GATAD2A: variants seen among roughly 807,000 people sequenced by gnomAD.
The protein encoded by GATAD2A is transcriptional repressor p66-alpha.
In GATAD2A, 12 loss-of-function variants were observed where a neutral mutation model predicts 68.5. The observed-to-expected ratio is 0.18, with a 90% CI of 0.11 to 0.28. The LOEUF is 0.28. Among genes scored for constraint, GATAD2A ranks in the 10% least tolerant of loss-of-function variants. GATAD2A has a pLI of 1.00. For synonymous variants in GATAD2A, 410 were observed against 375.3 expected, an observed-to-expected ratio of 1.09 and a Z score of -1.07; for missense variants, 755 against 868.5, an observed-to-expected ratio of 0.87 and a Z score of 1.64.
Position 19,435,018 on chromosome 19 carries a change from A to T in GATAD2A, c.-7+28999A>T, listed in dbSNP as rs762873739. ...CATGACAGACAACATGATGGTGAGGAGGTTACATTGGGAGAATGAGCCCTG... is the reference window on the plus strand; with the variant it reads ...CATGACAGACAACATGATGGTGAGGTGGTTACATTGGGAGAATGAGCCCTG... On this transcript the variant is annotated intron_variant, in intron 1 of 11. Coordinates refer to ENST00000683918, the MANE Select transcript of GATAD2A (RefSeq NM_001384528.1). 1.5e-4 allele frequency: 73 copies of T among 486,840 alleles called. 2 individuals are homozygous for T. The highest frequency in any genetic ancestry group is 5.1e-4 in the South Asian group (34 of 67,128). 30.2% of individuals were successfully genotyped at this position (486,840 alleles called of 1,614,324 possible).
intron 1 of GATAD2A, chr19:19,436,325 C>A: frequency 1.8e-6 from 1 of 553,566 alleles, no homozygotes; most frequent in East Asian, 5.9e-5. Flanking sequence ...CAGCCACCTC[C>A]TAGAGAAGAT....
intron 11 of GATAD2A, 40 bp downstream of exon 11, chr19:19,502,566 T>C: frequency 6.7e-7 from 1 of 1,490,248 alleles, no homozygotes. Context: ...GACCTGCCCA[T>C]TGTGGGGTTC....
chr19:19,493,965 C>T (rs547924924), intron 4 of GATAD2A, among the ~76,000 whole-genome samples: 46 of 152,238 alleles, frequency 3.0e-4, no homozygotes, highest in Admixed American at 1.0e-3. Flanking sequence ...TCCTTTGCCT[C>T]AGCAGTGCTG....
chr19:19,498,103 G>A lies in GATAD2A; in HGVS notation c.925-340G>A, dbSNP rs141830999. ...GACAGTGGCCCTGCTGGGCAGTGTG[G>A]TGACCACCAGAACCTGGTGACAGCC... is the stretch of plus-strand genomic sequence containing the variant. On this transcript the variant is annotated intron_variant, in intron 7 of 11. Coordinates refer to ENST00000683918, the MANE Select transcript of GATAD2A (RefSeq NM_001384528.1). Among the ~76,000 whole-genome samples, 45 of 152,360 alleles carry A rather than the reference G, an allele frequency of 3.0e-4. No homozygotes were observed. The East Asian group carries it at 8.1e-3, about 27-fold the overall frequency.
At position 19,501,985 on chromosome 19, in the gene GATAD2A, G is replaced by A. The variant is rs759435473; in HGVS notation, c.1520G>A (p.Arg507His). ...PVLKQVIKPR[R>H]KLAFRSGEAR... is the part of the protein sequence containing the mutation. ...TTTGTGTAGGTCATAAAACCCCGGC[G>A]TAAGTTGGCGTTCCGCTCAGGAGAG... Residue 507 changes from arginine (R) to histidine (H), a missense_variant, in exon 10 of 12, where the codon CGT (arginine) becomes CAT (histidine). Transcript: ENST00000683918. The A allele has an allele frequency of 8.1e-6, 13 of 1,613,828 alleles. No homozygotes were observed. Among genetic ancestry groups the A allele is most frequent in the South Asian group, 2.2e-5 (2 of 91,092 alleles).
Position 19,477,346 on chromosome 19 carries a change from T to G in GATAD2A, c.269+11732T>G, listed in dbSNP as rs562535006. Among the ~76,000 whole-genome samples the G allele has an allele frequency of 3.9e-5, 6 of 152,274 alleles. No individual in the cohort carries two copies. The East Asian group carries it at 1.2e-3, about 29-fold the overall frequency. ...TATCTTTAAAATAGTTGTGACGTCATCAAATTGAAAAGCTTTGGGGGTTCA... is the reference window on the plus strand; with the variant it reads ...TATCTTTAAAATAGTTGTGACGTCAGCAAATTGAAAAGCTTTGGGGGTTCA... On this transcript the variant is annotated intron_variant, in intron 2 of 11. Transcript: ENST00000683918.
At chr19:19,469,245 C>T (rs1265618893) in intron 2 of GATAD2A, among the ~76,000 whole-genome samples, 8 of 151,954 alleles carry the variant, frequency 5.3e-5, no homozygotes, top group Non-Finnish European at 1.0e-4. Flanking sequence ...TCCTGGCTAA[C>T]GCAGTGAAAC....
At chr19:19,431,319 A>G (rs1249080365) in intron 1 of GATAD2A, among the ~76,000 whole-genome samples, 1 of 150,748 alleles carries the variant, frequency 6.6e-6, no homozygotes, top group Admixed American at 6.6e-5. Context: ...CACTGATTGT[A>G]TTGCAGGGCT....
intron 2 of GATAD2A, among the ~76,000 whole-genome samples, chr19:19,490,558 G>T (rs1383014091): frequency 1.3e-5 from 2 of 152,128 alleles, no homozygotes; most frequent in Non-Finnish European, 2.9e-5. Flanking sequence ...GGGTCACAGT[G>T]CCACCTAGAG....
chr19:19,497,656 T>C (rs1218979979), intron 7 of GATAD2A, among the ~76,000 whole-genome samples: 1 of 152,188 alleles, frequency 6.6e-6, no homozygotes, highest in Non-Finnish European at 1.5e-5. Flanking sequence ...GCACACCCTG[T>C]GCCCCACAGT....
At chr19:19,400,788 T>C (rs538537188), upstream of GATAD2A, among the ~76,000 whole-genome samples, 45 of 152,244 alleles carry the variant, frequency 3.0e-4, no homozygotes, top group Middle Eastern at 3.4e-3. Flanking sequence ...CCTTAGAGAT[T>C]GTTGTTATAT....
At chr19:19,485,846 G>A (rs1178721494) in intron 2 of GATAD2A, among the ~76,000 whole-genome samples, 1 of 152,144 alleles carries the variant, frequency 6.6e-6, no homozygotes, top group Non-Finnish European at 1.5e-5. Flanking sequence ...AAAAGCGCTT[G>A]GACTCAAAAA....
chr19:19,400,511 T>C (rs191301083), intron 1 of GATAD2A, among the ~76,000 whole-genome samples: 5 of 152,290 alleles, frequency 3.3e-5, no homozygotes, highest in Admixed American at 3.3e-4. Context: ...TGTGAGAATG[T>C]TGTGAATGCA....
At chr19:19,418,953 C>T (rs892280931) in intron 1 of GATAD2A, among the ~76,000 whole-genome samples, 1 of 152,158 alleles carries the variant, frequency 6.6e-6, no homozygotes, top group Non-Finnish European at 1.5e-5. Flanking sequence ...AGTGAAGTAT[C>T]AGATGAGTTA....
At chr19:19,498,840 C>A in intron 8 of GATAD2A, 118 bp downstream of exon 8, 2 of 859,528 alleles carry the variant, frequency 2.3e-6, no homozygotes, top group Non-Finnish European at 3.6e-6. Context: ...CAGGATGGTC[C>A]TGGGTGGGCT....
rs533350364 is a variant in GATAD2A, at chr19:19,427,664, ATTTC to A, written c.-7+21661_-7+21664del. ...CGTGCATTGCTTGGGGATTGAAGGT[ATTTC>A]TTTCTTTCTTTCTTTTTTTCTTTTT... On this transcript the variant is annotated intron_variant, in intron 1 of 11. Coordinates refer to ENST00000683918, the MANE Select transcript of GATAD2A (RefSeq NM_001384528.1). 3.7e-3 allele frequency: 579 copies of A among 156,110 alleles called. 4 individuals carry two copies. The highest frequency in any genetic ancestry group is 6.1e-3 in the Admixed American group (93 of 15,270). The allele number at this position is 156,110 out of a possible 1,614,324, so 9.7% of individuals were successfully genotyped here.
chr19:19,433,383 T>C (rs555853220), intron 1 of GATAD2A, among the ~76,000 whole-genome samples: 1 of 152,298 alleles, frequency 6.6e-6, no homozygotes, highest in African/African-American at 2.4e-5. Flanking sequence ...TCCTCCAAAT[T>C]TGTGCCTGTT....
At chr19:19,501,918 G>C in intron 9 of GATAD2A, 51 bp from the exon 10 acceptor site, 2 of 1,451,476 alleles carry the variant, frequency 1.4e-6, no homozygotes, top group Non-Finnish European at 1.9e-6. Context: ...CGGTCACCCT[G>C]GGCCGGCCAG....
At chr19:19,422,182 T>C (rs1298306730) in intron 1 of GATAD2A, among the ~76,000 whole-genome samples, 2 of 152,200 alleles carry the variant, frequency 1.3e-5, no homozygotes, top group Admixed American at 6.6e-5. Flanking sequence ...TTATAACATA[T>C]CAGCATTTTC....
Sources: allele counts gnomAD v4.1 joint callset (sites outside exome capture counted in the v4.1 genomes callset), GRCh38; gene constraint gnomAD v4.1.1; transcripts MANE v1.5; gene names NCBI Gene and HGNC (gene_info 2026-07-23, HGNC 2026-07-21).